The following KIF24 variants were observed in gnomAD, a reference collection of about 807,000 sequenced individuals.
KIF24 encodes the protein kinesin family member 24, also known as kinesin-like protein KIF24.
A neutral mutation model predicts 118.9 loss-of-function variants in KIF24; 81 were observed. The ratio of observed to expected loss-of-function variants is 0.68; its 90% CI spans 0.57 to 0.82. KIF24 has a LOEUF of 0.82. Ranked by LOEUF, KIF24 falls within the 40% of genes least tolerant of loss-of-function variation. The pLI is 0.00. For synonymous variants in KIF24, 599 were observed against 610.0 expected, an observed-to-expected ratio of 0.98 and a Z score of 0.27; for missense variants, 1,560 against 1,661.6, an observed-to-expected ratio of 0.94 and a Z score of 1.06.
intron 2 of KIF24, among the ~76,000 whole-genome samples, chr9:34,309,433 C>T (rs10814094): frequency 0.2 from 29,072 of 148,592 alleles, 3,088 homozygotes; most frequent in East Asian, 0.46. Flanking sequence ...CCCAGCTACT[C>T]GGAAGGCTGA....
At chr9:34,299,021 T>C (rs752931825) in intron 3 of KIF24, among the ~76,000 whole-genome samples, 1 of 152,084 alleles carries the variant, frequency 6.6e-6, no homozygotes, top group African/African-American at 2.4e-5. Context: ...ACCATGTTGG[T>C]AGGTACAACT....
In KIF24 at chr9:34,269,297, G is replaced by T; in HGVS notation, c.1403C>A (p.Thr468Lys). ...AADARDSDRQTKMEGAEINQS... is the reference protein window; with the variant it reads ...AADARDSDRQKKMEGAEINQS... ...ATTTATTTCTGCACCTTCCATCTTTGTCTGTCTATCTGAGTCCCTTGCATC... is the reference window on the plus strand; with the variant it reads ...ATTTATTTCTGCACCTTCCATCTTTTTCTGTCTATCTGAGTCCCTTGCATC... The change falls in exon 8 of 13, where the codon ACA (threonine) becomes AAA (lysine). Residue 468 changes from threonine (T) to lysine (K), a missense_variant. Transcript: ENST00000402558. The T allele has an allele frequency of 6.2e-7, 1 of 1,609,138 alleles. No individual in the cohort carries two copies.
rs150946607 is a variant in KIF24 at position 34,254,466 on chromosome 9, A to G, written c.4021T>C (p.Cys1341Arg). Residue 1341 changes from cysteine (C) to arginine (R), a missense_variant, in exon 13 of 13, where the codon TGT becomes CGT. Physicochemically the swap from Cys to Arg is radical, Grantham distance 180. Coordinates refer to ENST00000402558, the MANE Select transcript of KIF24 (RefSeq NM_194313.4). ...AGCTGGCTCCTCAGACTCTGGATAC[A>G]CTTGGATTTCAGAACCATGATTTCA... Reference protein sequence around the residue: ...LDEIMVLKSKCIQSLRSQLQL... With the variant: ...LDEIMVLKSKRIQSLRSQLQL... The G allele has an allele frequency of 6.2e-7, 1 of 1,613,812 alleles. No individual in the cohort carries two copies. The highest frequency in any genetic ancestry group is 8.5e-7 in the Non-Finnish European group (1 of 1,179,842).
rs1242152505 is a variant in KIF24 at position 34,272,815 on chromosome 9, G to A, written c.1216-885C>T. Reference sequence around the variant, plus strand: ...TTTTAAAAATTTTTTGTAGAGACATGGTCTTACTATGTTGCCCAGGCTGGT... The same window carrying A: ...TTTTAAAAATTTTTTGTAGAGACATAGTCTTACTATGTTGCCCAGGCTGGT... On this transcript the variant is annotated intron_variant, in intron 6 of 12. Coordinates refer to ENST00000402558, the MANE Select transcript of KIF24 (RefSeq NM_194313.4). Among the ~76,000 whole-genome samples, 3 of 152,186 alleles carry A rather than the reference G, an allele frequency of 2.0e-5. No individual in the cohort carries two copies. The East Asian group carries it at 5.8e-4, about 29-fold the overall frequency.
chr9:34,257,401 C>G lies in KIF24; in HGVS notation c.2206G>C (p.Asp736His), dbSNP rs766635108. The change falls in exon 11 of 13, where the codon GAC becomes CAC. Residue 736 changes from aspartate to histidine, a missense_variant. Asp to His is a moderately conservative substitution (Grantham distance 81). Coordinates refer to ENST00000402558, the MANE Select transcript of KIF24 (RefSeq NM_194313.4). Reference protein sequence around the residue: ...NAHHRAEYSQDSQRGTPARPA... With the variant: ...NAHHRAEYSQHSQRGTPARPA... ...CTAGCAGGCGTGCCCCTCTGGCTGT[C>G]TTGACTGTACTCAGCCCTGTGGTGG... 2.8e-5 allele frequency: 45 copies of G among 1,613,946 alleles called. No individual in the cohort carries two copies. Among genetic ancestry groups the G allele is most frequent in the Non-Finnish European group, 3.7e-5 (44 of 1,179,900 alleles).
intron 3 of KIF24, among the ~76,000 whole-genome samples, chr9:34,304,920 G>A (rs894456972): frequency 6.6e-6 from 1 of 152,106 alleles, no homozygotes; most frequent in Non-Finnish European, 1.5e-5. Context: ...ACCAGTCACT[G>A]GGTTTTGAGG....
At chr9:34,264,856 A>T (rs1339892008) in intron 8 of KIF24, among the ~76,000 whole-genome samples, 2 of 152,194 alleles carry the variant, frequency 1.3e-5, no homozygotes, top group Admixed American at 1.3e-4. Flanking sequence ...CTGATAAAAA[A>T]TAAGTAAATA....
In KIF24 at chr9:34,319,014, T is replaced by C. The variant is rs1837425713; in HGVS notation, c.-25-7643A>G. ...GATGGCGCCCTGCTTGTCAACACCA[T>C]GTTCTTCAAGCCACACTGGAATGAG... On this transcript the variant is annotated intron_variant, in intron 1 of 12. Transcript: ENST00000402558. 4 of 1,226,236 alleles carry C rather than the reference T, an allele frequency of 3.3e-6. No individual in the cohort carries two copies. The South Asian group carries it at 3.6e-5, about 11-fold the overall frequency. 76.0% of individuals were successfully genotyped at this position (1,226,236 alleles called of 1,614,324 possible).
upstream of KIF24, among the ~76,000 whole-genome samples, chr9:34,330,400 G>A (rs1372596692): frequency 6.6e-6 from 1 of 152,118 alleles, no homozygotes; most frequent in Non-Finnish European, 1.5e-5. Context: ...GCGAGACTCC[G>A]TCTCAAAAAC....
In KIF24 at chr9:34,259,704, A is replaced by T. The variant is rs1488744860; in HGVS notation, c.1517T>A (p.Val506Asp). The T allele has an allele frequency of 1.2e-5, 20 of 1,610,302 alleles. No homozygotes were observed. In the Admixed American group the frequency reaches 3.3e-4, roughly 27 times the overall value. ...TPFRQSKLTQ[V>D]LKDSFIGNAK... ...ATTGCCGATGAAAGAGTCCTTCAGG[A>T]CCTGTCCAAAACAGAAGGCAGGTCA... Residue 506 changes from valine (V) to aspartate (D), a missense_variant and splice_region_variant, in exon 10 of 13, where the codon GTC becomes GAC. Val to Asp is a radical substitution (Grantham distance 152). Transcript: ENST00000402558.
intron 1 of KIF24, among the ~76,000 whole-genome samples, chr9:34,328,722 G>T (rs550187330): frequency 6.6e-6 from 1 of 152,132 alleles, no homozygotes; most frequent in Non-Finnish European, 1.5e-5. Context: ...TACCTCAAAG[G>T]CTTCAAAATT....
At chr9:34,296,536 C>CAA (rs112786836) in intron 4 of KIF24, among the ~76,000 whole-genome samples, 1 of 109,428 alleles carries the variant, frequency 9.1e-6, no homozygotes, top group African/African-American at 3.4e-5. Context: ...GACTCCATCT[C>CAA]AAAAAAAAAA....
chr9:34,279,224 C>T (rs1383364685), intron 6 of KIF24, among the ~76,000 whole-genome samples: 1 of 152,178 alleles, frequency 6.6e-6, no homozygotes, highest in Non-Finnish European at 1.5e-5. Flanking sequence ...TGTCATCTCA[C>T]TTCCTTCTCC....
At chr9:34,330,830 G>A (rs975936035), upstream of KIF24, among the ~76,000 whole-genome samples, 1 of 151,960 alleles carries the variant, frequency 6.6e-6, no homozygotes, top group Non-Finnish European at 1.5e-5. Context: ...GCGTGGTGGC[G>A]GGCGCCTGTG....
At chr9:34,325,349 A>AG (rs1289666609) in intron 1 of KIF24, among the ~76,000 whole-genome samples, 3 of 150,262 alleles carry the variant, frequency 2.0e-5, no homozygotes, top group Non-Finnish European at 4.4e-5. Flanking sequence ...CGTCTCAAAA[A>AG]AAAAAAAAAA....
chr9:34,275,828 GTGTC>G (rs991518703), intron 6 of KIF24, among the ~76,000 whole-genome samples: 20 of 151,960 alleles, frequency 1.3e-4, no homozygotes, highest in East Asian at 5.8e-4. Context: ...GACAGAGCGA[GTGTC>G]TGTCTAAAAA....
intron 3 of KIF24, among the ~76,000 whole-genome samples, chr9:34,304,785 A>C (rs1160303701): frequency 6.6e-6 from 1 of 152,204 alleles, no homozygotes; most frequent in Non-Finnish European, 1.5e-5. Context: ...AAGAAGAACA[A>C]TACAAGTTTG....
In KIF24 at chr9:34,318,674, T is replaced by A. The variant is rs1434141544; in HGVS notation, c.-25-7303A>T. 4.5e-6 allele frequency: 7 copies of A among 1,541,364 alleles called. No homozygotes were observed. In the East Asian group the frequency reaches 1.6e-4, roughly 35 times the overall value. On this transcript the variant is annotated intron_variant, in intron 1 of 12. Transcript: ENST00000402558. The surrounding 1 kb of genome is among the most constrained non-coding windows in gnomAD (Gnocchi z 4.9). ...GCTGGGCGGCAAGGCGACCACGGCGTCGGAGGCCAAGGCAGTGCTGAGTGC... is the reference window on the plus strand; with the variant it reads ...GCTGGGCGGCAAGGCGACCACGGCGACGGAGGCCAAGGCAGTGCTGAGTGC...
intron 6 of KIF24, among the ~76,000 whole-genome samples, chr9:34,284,494 TC>T: frequency 1.3e-5 from 2 of 152,138 alleles, no homozygotes; most frequent in Non-Finnish European, 2.9e-5. Context: ...GATAAAACAC[TC>T]TACAGAAAAT....
Sources: allele counts gnomAD v4.1 joint callset (sites outside exome capture counted in the v4.1 genomes callset), GRCh38; gene constraint gnomAD v4.1.1; non-coding constraint Gnocchi (gnomAD v3.1); transcripts MANE v1.5; gene names NCBI Gene and HGNC (gene_info 2026-07-23, HGNC 2026-07-21).